The following TUBGCP3 variants were observed in gnomAD, a reference collection of about 807,000 sequenced individuals.
TUBGCP3 encodes gamma-tubulin complex component 3.
TUBGCP3 carries 50 observed loss-of-function variants against 123.1 expected under a neutral mutation model. That is an observed-to-expected ratio of 0.41 (90% confidence interval 0.32 to 0.51). The LOEUF is 0.51. Ranked by LOEUF, TUBGCP3 falls within the 20% of genes least tolerant of loss-of-function variation. TUBGCP3 has a pLI of 0.36. For missense variants in TUBGCP3, 882 were observed against 1,127.0 expected, an observed-to-expected ratio of 0.78 and a Z score of 3.11; for synonymous variants, 405 against 413.9, an observed-to-expected ratio of 0.98 and a Z score of 0.26.
intron 13 of TUBGCP3, among the ~76,000 whole-genome samples, chr13:112,523,468 C>T (rs1482562768): frequency 6.6e-6 from 1 of 152,214 alleles, no homozygotes; most frequent in Admixed American, 6.5e-5. Flanking sequence ...AACTAAGATG[C>T]TCCCAGTGAA....
chr13:112,487,327 G>A (rs990360488), intron 21 of TUBGCP3, among the ~76,000 whole-genome samples: 1 of 152,204 alleles, frequency 6.6e-6, no homozygotes, highest in African/African-American at 2.4e-5. Context: ...CCGCCACAGA[G>A]AGCAGAGACG....
At chr13:112,579,596 T>A (rs537825920) in intron 1 of TUBGCP3, among the ~76,000 whole-genome samples, 39 of 131,864 alleles carry the variant, frequency 3.0e-4, no homozygotes, top group African/African-American at 1.1e-3. Flanking sequence ...CACACTGCTG[T>A]GTGCGGGTGG....
chr13:112,538,709 A>G (rs1025126446), intron 11 of TUBGCP3, among the ~76,000 whole-genome samples: 73 of 152,344 alleles, frequency 4.8e-4, no homozygotes, highest in African/African-American at 1.7e-3. Context: ...TCTTATATAG[A>G]TATACAATAA....
intron 20 of TUBGCP3, among the ~76,000 whole-genome samples, chr13:112,498,162 T>C (rs1270625182): frequency 6.6e-6 from 1 of 152,158 alleles, no homozygotes; most frequent in Non-Finnish European, 1.5e-5. Context: ...TATATAAACA[T>C]ACATATAAGG....
intron 17 of TUBGCP3, among the ~76,000 whole-genome samples, chr13:112,514,628 C>G (rs1162295166): frequency 6.6e-6 from 1 of 152,182 alleles, no homozygotes; most frequent in East Asian, 1.9e-4. Flanking sequence ...AACAGTGATA[C>G]AGACAACTAT....
At chr13:112,555,888 C>A (rs1037952544) in intron 6 of TUBGCP3, among the ~76,000 whole-genome samples, 164 bp downstream of exon 6, 1 of 152,140 alleles carries the variant, frequency 6.6e-6, no homozygotes, top group Non-Finnish European at 1.5e-5. Flanking sequence ...AAGCCAAACT[C>A]CCCAAGGCGC....
rs10710530 is a variant in TUBGCP3 at position 112,502,542 on chromosome 13, C to CTTT, written c.2307+1487_2307+1489dup. Among the ~76,000 whole-genome samples, 414 of 114,290 alleles carry CTTT rather than the reference C, an allele frequency of 3.6e-3. 2 individuals carry two copies. Among genetic ancestry groups the CTTT allele is most frequent in the Middle Eastern group, 9.8e-3 (2 of 204 alleles). 75.0% of individuals were successfully genotyped at this position (114,290 alleles called of 152,430 possible). ...TCAAACCTCAAGAAGTACATTTCTT[C>CTTT]TTTTTTTTTTTTTTTTTTTTTGAGA... On this transcript the variant is annotated intron_variant, in intron 19 of 21. Coordinates refer to ENST00000261965, the MANE Select transcript of TUBGCP3 (RefSeq NM_006322.6).
In TUBGCP3 at chr13:112,555,912, G is replaced by C. The variant is rs751476951; in HGVS notation, c.721+140C>G. 286 of 964,936 alleles carry C rather than the reference G, an allele frequency of 3.0e-4. No individual in the cohort carries two copies. In the Middle Eastern group the frequency reaches 6.1e-3, roughly 21 times the overall value. 59.8% of individuals were successfully genotyped at this position (964,936 alleles called of 1,614,324 possible). A position where few individuals can be genotyped will look rare whatever the true frequency, so the allele number is the denominator to read the frequency against. On this transcript the variant is annotated intron_variant, in intron 6 of 21. Coordinates refer to ENST00000261965, the MANE Select transcript of TUBGCP3 (RefSeq NM_006322.6). Reference sequence around the variant, plus strand: ...TCCCCAAGGCGCCGCAGACCACCAGGGACTCTGGACTTCATCATAAGAACA... The same window carrying C: ...TCCCCAAGGCGCCGCAGACCACCAGCGACTCTGGACTTCATCATAAGAACA...
At position 112,516,557 on chromosome 13, in the gene TUBGCP3, T is replaced by C; in HGVS notation, c.1969A>G (p.Met657Val). ...TTAAATACTCTTAGGTAGTGGCTCATACATTCTCGAGTAAACACCTGGGAT... is the reference window on the plus strand; with the variant it reads ...TTAAATACTCTTAGGTAGTGGCTCACACATTCTCGAGTAAACACCTGGGAT... ...PIATVFTREC[M>V]SHYLRVFNFL... The change falls in exon 17 of 22, where the codon ATG (methionine) becomes GTG (valine). Residue 657 changes from methionine to valine, a missense_variant. Coordinates refer to ENST00000261965, the MANE Select transcript of TUBGCP3 (RefSeq NM_006322.6). The C allele has an allele frequency of 1.2e-6, 2 of 1,613,634 alleles. No individual in the cohort carries two copies. The highest frequency in any genetic ancestry group is 2.7e-5 in the African/African-American group (2 of 75,038).
At position 112,545,648 on chromosome 13, in the gene TUBGCP3, C is replaced by CGT; in HGVS notation, c.1335+49_1335+50dup. 1.9e-6 allele frequency: 3 copies of CGT among 1,593,324 alleles called. No individual in the cohort carries two copies. The highest frequency in any genetic ancestry group is 2.6e-6 in the Non-Finnish European group (3 of 1,162,470). On this transcript the variant is annotated intron_variant, in intron 11 of 21. Coordinates refer to ENST00000261965, the MANE Select transcript of TUBGCP3 (RefSeq NM_006322.6). This position sits in a 1 kb window ranked among gnomAD's most constrained non-coding sequence, Gnocchi z 4.1. ...GGGGAAAAATGAAACAGCATAACTG[C>CGT]GTGCCCATGCTTTTTAAATCCAAGT...
At chr13:112,550,826 C>T (rs74135758) in intron 8 of TUBGCP3, among the ~76,000 whole-genome samples, 1,921 of 152,262 alleles carry the variant, frequency 0.013, 40 homozygotes, top group African/African-American at 0.042. Flanking sequence ...CGGCCAGGTG[C>T]GGTGGCTCAC....
chr13:112,544,510 A>G (rs1208172606), intron 11 of TUBGCP3: 2 of 151,438 alleles, frequency 1.3e-5, no homozygotes, highest in African/African-American at 4.9e-5. Flanking sequence ...CCCACCTCCC[A>G]GAACCCACGT....
At chr13:112,549,832 T>C (rs761944098) in intron 8 of TUBGCP3, among the ~76,000 whole-genome samples, 40 of 151,404 alleles carry the variant, frequency 2.6e-4, no homozygotes, top group Non-Finnish European at 5.3e-4. Flanking sequence ...CTACTAAAAA[T>C]ACCAAAAATT....
intron 4 of TUBGCP3, among the ~76,000 whole-genome samples, chr13:112,558,905 T>C (rs72656197): frequency 4.3e-4 from 66 of 152,276 alleles, no homozygotes; most frequent in Non-Finnish European, 8.4e-4. Flanking sequence ...TCTGACATAC[T>C]GCAGGGGACA....
intron 11 of TUBGCP3, among the ~76,000 whole-genome samples, chr13:112,529,399 T>C (rs1877387135): frequency 6.6e-6 from 1 of 152,248 alleles, no homozygotes; most frequent in Admixed American, 6.5e-5. Context: ...CAAAAAATGC[T>C]GAGGAAGCAT....
rs528334267 is a variant in TUBGCP3, at chr13:112,486,233, G to C, written c.2566-82C>G. ...TATTCCCCGGACCTTAATCTCCTTTGGGTTGGGTCTGTTTTTCCTTCCAGA... is the reference window on the plus strand; with the variant it reads ...TATTCCCCGGACCTTAATCTCCTTTCGGTTGGGTCTGTTTTTCCTTCCAGA... On this transcript the variant is annotated intron_variant, in intron 21 of 21. Coordinates refer to ENST00000261965, the MANE Select transcript of TUBGCP3 (RefSeq NM_006322.6). 25 of 1,515,944 alleles carry C rather than the reference G, an allele frequency of 1.6e-5. No individual in the cohort carries two copies. In the South Asian group the frequency reaches 3.2e-4, roughly 19 times the overall value. 93.9% of individuals were successfully genotyped at this position (1,515,944 alleles called of 1,614,324 possible).
intron 14 of TUBGCP3, chr13:112,521,546 T>G (rs185998278): frequency 4.6e-6 from 2 of 431,446 alleles, no homozygotes; most frequent in Non-Finnish European, 3.1e-6. Context: ...GCAAGCTTTC[T>G]AGTCTGTGAT....
chr13:112,518,942 T>C (rs1251726090), intron 16 of TUBGCP3, 33 bp downstream of exon 16: 3 of 1,584,472 alleles, frequency 1.9e-6, no homozygotes, highest in South Asian at 2.2e-5. Context: ...TTAATAGTTG[T>C]AAATACTATA....
In TUBGCP3 at chr13:112,522,394, G is replaced by A; in HGVS notation, c.1671C>T (p.Asp557=). ...DVLNKKYSLL[D]HMQAMRRYLL... The stretch of plus-strand genomic sequence containing the variant: ...GGTACCGCCTCATTGCCTGCATGTG[G>A]TCCAGCAAGCTGTACTTTTTATTGA... Residue 557 remains aspartate (D), a synonymous_variant, in exon 14 of 22, where the codon GAC becomes GAT. Coordinates refer to ENST00000261965, the MANE Select transcript of TUBGCP3 (RefSeq NM_006322.6). 1.2e-6 allele frequency: 2 copies of A among 1,614,056 alleles called. No homozygotes were observed. The highest frequency in any genetic ancestry group is 2.2e-5 in the East Asian group (1 of 44,892).
Sources: allele counts gnomAD v4.1 joint callset (sites outside exome capture counted in the v4.1 genomes callset), GRCh38; gene constraint gnomAD v4.1.1; non-coding constraint Gnocchi (gnomAD v3.1); transcripts MANE v1.5; gene names NCBI Gene and HGNC (gene_info 2026-07-23, HGNC 2026-07-21).